B4GALNT4: variants seen among roughly 807,000 people sequenced by gnomAD.
The protein encoded by B4GALNT4 is beta-1,4-N-acetyl-galactosaminyltransferase 4, also known as N-acetyl-beta-glucosaminyl-glycoprotein 4-beta-N-acetylgalactosaminyltransferase 1.
B4GALNT4 carries 77 observed loss-of-function variants against 110.0 expected under a neutral mutation model. The observed-to-expected ratio is 0.70, with a 90% confidence interval of 0.58 to 0.85. The LOEUF (loss-of-function observed/expected upper bound fraction) is 0.85, where lower values mean the gene tolerates loss of function less well. Among genes scored for constraint, B4GALNT4 ranks in the 40% least tolerant of loss-of-function variants. The pLI is 0.00. For missense variants in B4GALNT4, 1,575 were observed against 1,506.0 expected (o/e 1.05, Z -0.76); for synonymous variants, 785 against 655.5 (o/e 1.20, Z -3.02).
Position 381,815 on chromosome 11 carries a change from C to A in B4GALNT4, c.*23C>A. On this transcript the variant is annotated 3_prime_UTR_variant, in exon 20 of 20. Transcript: ENST00000329962. ...TGAGGACGGGCAGCCCCTCCCAGCCCCGGTGGGAGTCCCGAGGCAGCTGCT... is the reference window on the plus strand; with the variant it reads ...TGAGGACGGGCAGCCCCTCCCAGCCACGGTGGGAGTCCCGAGGCAGCTGCT... The A allele has an allele frequency of 6.4e-7, 1 of 1,556,400 alleles. No individual in the cohort carries two copies. Among genetic ancestry groups the A allele is most frequent in the Admixed American group, 2.1e-5 (1 of 48,304 alleles).
intron 1 of B4GALNT4, 85 bp downstream of exon 1, chr11:370,039 C>CGGCGCGGGG (rs1466586091): frequency 1.2e-3 from 84 of 71,328 alleles, no homozygotes; most frequent in African/African-American, 3.4e-3. Flanking sequence ...GGGGCGCGGG[C>CGGCGCGGGG]GGCGCGGGCG....
chr11:373,390 TCC>T, intron 6 of B4GALNT4, 57 bp from the exon 7 acceptor site: 1 of 1,501,284 alleles, frequency 6.7e-7, no homozygotes, highest in Non-Finnish European at 9.1e-7. Flanking sequence ...GGGTTTGGTG[TCC>T]CCAGGGAGAG....
Position 376,127 on chromosome 11 carries a change from G to A in B4GALNT4, c.1149G>A (p.Glu383=). ...PNDYTRLTHM[E]TDNKCFYRES... is the part of the protein sequence containing the mutation. ...ACTACACTCGCCTCACCCACATGGA[G>A]ACGGACAACAAGTGCTTCTACCGCG... is the stretch of plus-strand genomic sequence containing the variant. The change falls in exon 12 of 20, where the codon GAG becomes GAA. Residue 383 remains glutamate, a synonymous_variant. Coordinates refer to ENST00000329962, the MANE Select transcript of B4GALNT4 (RefSeq NM_178537.5). The A allele has an allele frequency of 1.3e-6, 2 of 1,591,522 alleles. No individual in the cohort carries two copies. Among genetic ancestry groups the A allele is most frequent in the African/African-American group, 2.7e-5 (2 of 73,640 alleles).
chr11:380,779 G>T, intron 18 of B4GALNT4, 46 bp from the exon 19 acceptor site: 2 of 1,611,890 alleles, frequency 1.2e-6, no homozygotes, highest in Non-Finnish European at 1.7e-6. Flanking sequence ...GGGGGACCTT[G>T]CAGGACCTGG....
rs542871259 is a variant in B4GALNT4, at chr11:380,977, G to A, written c.2996+26G>A. On this transcript the variant is annotated intron_variant, in intron 19 of 19. Coordinates refer to ENST00000329962, the MANE Select transcript of B4GALNT4 (RefSeq NM_178537.5). ...GTGACCACCTCCCCACTCCCCAGAG[G>A]TGACACCCTGACCCCTGCGTCCTCC... The A allele has an allele frequency of 1.3e-5, 21 of 1,605,098 alleles. No homozygotes were observed. The East Asian group carries it at 4.0e-4, about 31-fold the overall frequency.
rs756686099 is a variant in B4GALNT4 at position 380,287 on chromosome 11, C to A, written c.2716-5C>A. 9.9e-6 allele frequency: 16 copies of A among 1,612,786 alleles called. No individual in the cohort carries two copies. The East Asian group carries it at 2.9e-4, about 29-fold the overall frequency. ...GGCGGGGCTCAGACCTCCCGCACCC[C>A]CCAGGACGCCAGCAGCATCGTGTTC... On this transcript the variant is annotated splice_region_variant and splice_polypyrimidine_tract_variant and intron_variant, in intron 17 of 19. Transcript: ENST00000329962.
At position 372,207 on chromosome 11, in the gene B4GALNT4, C is replaced by A; in HGVS notation, c.250C>A (p.Gln84Lys). ...EDSSESREEE[Q>K]APEGRDLDML... ...CTCCAGTGAGAGCCGTGAAGAGGAG[C>A]AAGCGGTGAGCAGAGCCCTGGGGAG... The change falls in exon 2 of 20, where the codon CAA becomes AAA. Residue 84 changes from glutamine to lysine, a missense_variant. Gln to Lys is a moderately conservative substitution (Grantham distance 53). Transcript: ENST00000329962. The A allele has an allele frequency of 1.3e-6, 2 of 1,550,084 alleles. No homozygotes were observed. The highest frequency in any genetic ancestry group is 1.7e-6 in the Non-Finnish European group (2 of 1,146,752).
chr11:371,382 C>G (rs1846616590), intron 1 of B4GALNT4, among the ~76,000 whole-genome samples: 1 of 152,168 alleles, frequency 6.6e-6, no homozygotes, highest in Non-Finnish European at 1.5e-5. Context: ...GCTCTGCACC[C>G]CAGCCCTCTC....
chr11:376,047 T>G, intron 11 of B4GALNT4, 27 bp from the exon 12 acceptor site: 1 of 1,604,510 alleles, frequency 6.2e-7, no homozygotes, highest in Non-Finnish European at 8.5e-7. Flanking sequence ...GTCCGCGCCC[T>G]GAGCCCTGCG....
intron 19 of B4GALNT4, 189 bp downstream of exon 19, chr11:381,140 AC>A: frequency 1.0e-6 from 1 of 984,392 alleles, no homozygotes; most frequent in Non-Finnish European, 1.2e-6. Context: ...ACCCTGTCCC[AC>A]CCCCAGGGTC....
In B4GALNT4 at chr11:376,361, C is replaced by T. The variant is rs1446742946; in HGVS notation, c.1297+10C>T. 1.4e-5 allele frequency: 23 copies of T among 1,605,260 alleles called. No individual in the cohort carries two copies. Among genetic ancestry groups the T allele is most frequent in the Non-Finnish European group, 2.0e-5 (23 of 1,176,636 alleles). On this transcript the variant is annotated intron_variant, in intron 13 of 19. Transcript: ENST00000329962. The stretch of plus-strand genomic sequence containing the variant: ...TTCCTCAACCCGGACGGTGAGTGTC[C>T]GCAGCGCCCCTGGCCCGCACCCACC...
intron 8 of B4GALNT4, among the ~76,000 whole-genome samples, chr11:374,235 C>T (rs1388314100): frequency 2.0e-5 from 3 of 152,028 alleles, no homozygotes; most frequent in Admixed American, 6.6e-5. Context: ...GAGAATGAGG[C>T]CATTGGATTT....
At position 380,861 on chromosome 11, in the gene B4GALNT4, T is replaced by G. The variant is rs1185604544; in HGVS notation, c.2906T>G (p.Ile969Ser). 1 of 1,613,644 alleles carries G rather than the reference T, an allele frequency of 6.2e-7. No individual in the cohort carries two copies. The highest frequency in any genetic ancestry group is 8.5e-7 in the Non-Finnish European group (1 of 1,179,880). ...GTGAACGGCTTTGGCCTTTTTGGGATCTACAAGTCGGACTTTGACCGGGTT... is the reference window on the plus strand; with the variant it reads ...GTGAACGGCTTTGGCCTTTTTGGGAGCTACAAGTCGGACTTTGACCGGGTT... ...WEVNGFGLFG[I>S]YKSDFDRVGG... The change falls in exon 19 of 20, where the codon ATC becomes AGC. Residue 969 changes from isoleucine to serine, a missense_variant. Physicochemically the swap from Ile to Ser is moderately radical, Grantham distance 142 (BLOSUM62 -2). Coordinates refer to ENST00000329962, the MANE Select transcript of B4GALNT4 (RefSeq NM_178537.5).
At position 379,419 on chromosome 11, in the gene B4GALNT4, C is replaced by A; in HGVS notation, c.2206C>A (p.Arg736Ser). 1 of 1,510,240 alleles carries A rather than the reference C, an allele frequency of 6.6e-7. No homozygotes were observed. The highest frequency in any genetic ancestry group is 2.5e-5 in the East Asian group (1 of 40,012). 93.6% of individuals were successfully genotyped at this position (1,510,240 alleles called of 1,614,324 possible). A position where few individuals can be genotyped will look rare whatever the true frequency, so the allele number is the denominator to read the frequency against. ...MERLNARHGG[R>S]FALLRIVNVE... ...CCGGCTGACCGCTGAGCCTTGCAGGCGCTTCGCGCTTCTGCGCATCGTGAA... is the reference window on the plus strand; with the variant it reads ...CCGGCTGACCGCTGAGCCTTGCAGGAGCTTCGCGCTTCTGCGCATCGTGAA... The change falls in exon 15 of 20, where the codon CGC becomes AGC. Residue 736 changes from arginine to serine, a missense_variant and splice_region_variant. Transcript: ENST00000329962.
At position 379,460 on chromosome 11, in the gene B4GALNT4, G is replaced by A. The variant is rs1416301461; in HGVS notation, c.2247G>A (p.Arg749=). The A allele has an allele frequency of 1.9e-6, 3 of 1,553,944 alleles. No individual in the cohort carries two copies. The African/African-American group carries it at 4.1e-5, about 21-fold the overall frequency. ...GCATCGTGAACGTGGAGAAGCGCCG[G>A]GACTCGGCGCGAGGGAGTCGCTTCC... ...LLRIVNVEKR[R]DSARGSRFLL... Residue 749 remains arginine, a synonymous_variant, in exon 15 of 20, where the codon CGG becomes CGA. Transcript: ENST00000329962.
In B4GALNT4 at chr11:375,910, A is replaced by G. The variant is rs767066411; in HGVS notation, c.1049A>G (p.Tyr350Cys). ...VLEPCAYAPT[Y>C]VVKDFPIARY... ...GAGCCCTGCGCCTACGCCCCCACCT[A>G]CGTGGTCAAGGACTTCCCGATCGCC... Residue 350 changes from tyrosine to cysteine, a missense_variant, in exon 11 of 20, where the codon TAC (tyrosine) becomes TGC (cysteine). Physicochemically the swap from Tyr to Cys is radical, Grantham distance 194. Coordinates refer to ENST00000329962, the MANE Select transcript of B4GALNT4 (RefSeq NM_178537.5). 16 of 1,611,916 alleles carry G rather than the reference A, an allele frequency of 9.9e-6. No individual in the cohort carries two copies. The highest frequency in any genetic ancestry group is 1.4e-5 in the Non-Finnish European group (16 of 1,179,540).
rs1478674746 is a variant in B4GALNT4, at chr11:376,767, G to T, written c.1644G>T (p.Pro548=). 3.6e-6 allele frequency: 5 copies of T among 1,385,150 alleles called. No individual in the cohort carries two copies. The South Asian group carries it at 7.4e-5, about 21-fold the overall frequency. The allele number at this position is 1,385,150 out of a possible 1,614,324, so 85.8% of individuals were successfully genotyped here. A position where few individuals can be genotyped will look rare whatever the true frequency, so the allele number is the denominator to read the frequency against. ...PRAPAPRAPW[P]PFPGVFLHPR... is the part of the protein sequence containing the mutation. Reference sequence around the variant, plus strand: ...CCCCAGCGCCGCGTGCGCCCTGGCCGCCCTTCCCTGGCGTCTTCCTGCACC... The same window carrying T: ...CCCCAGCGCCGCGTGCGCCCTGGCCTCCCTTCCCTGGCGTCTTCCTGCACC... Residue 548 remains proline (P), a synonymous_variant, in exon 14 of 20, where the codon CCG becomes CCT. Coordinates refer to ENST00000329962, the MANE Select transcript of B4GALNT4 (RefSeq NM_178537.5).
intron 14 of B4GALNT4, among the ~76,000 whole-genome samples, chr11:377,905 G>C (rs1390823272): frequency 6.6e-6 from 1 of 152,234 alleles, no homozygotes; most frequent in Non-Finnish European, 1.5e-5. Context: ...GCAGGAGTGG[G>C]GAGTCTAATT....
rs1426216607 is a variant in B4GALNT4 at position 375,838 on chromosome 11, C to T, written c.986-9C>T. ...TGCCCCAGCCACCCTGTGACCGCAC[C>T]TCCTGCAGCTCCACGCATGGAATCT... is the stretch of plus-strand genomic sequence containing the variant. On this transcript the variant is annotated splice_polypyrimidine_tract_variant and intron_variant, in intron 10 of 19. Coordinates refer to ENST00000329962, the MANE Select transcript of B4GALNT4 (RefSeq NM_178537.5). The T allele has an allele frequency of 5.0e-6, 8 of 1,607,756 alleles. No individual in the cohort carries two copies. Among genetic ancestry groups the T allele is most frequent in the Non-Finnish European group, 5.9e-6 (7 of 1,178,580 alleles).
Sources: allele counts gnomAD v4.1 joint callset (sites outside exome capture counted in the v4.1 genomes callset), GRCh38; gene constraint gnomAD v4.1.1; transcripts MANE v1.5; gene names NCBI Gene and HGNC (gene_info 2026-07-23, HGNC 2026-07-21).